Variants in PTOV1 observed in about 807,000 individuals in gnomAD.
The protein encoded by PTOV1 is PTOV1 extended AT-hook containing adaptor protein.
Under a neutral mutation model 58.0 loss-of-function variants are expected in PTOV1, and 20 were observed. The ratio of observed to expected loss-of-function variants is 0.34; its 90% CI spans 0.24 to 0.50. PTOV1 has a LOEUF of 0.50. Among genes scored for constraint, PTOV1 ranks in the 20% least tolerant of loss-of-function variants. The pLI is 0.98. For missense variants in PTOV1, 593 were observed against 565.4 expected (o/e 1.05, Z -0.50); for synonymous variants, 335 against 234.2 (o/e 1.43, Z -3.93).
At chr19:49,857,290 T>A in intron 6 of PTOV1, 160 bp downstream of exon 6, 1 of 1,068,390 alleles carries the variant, frequency 9.4e-7, no homozygotes, top group Non-Finnish European at 1.3e-6. Context: ...CCACCAGGGC[T>A]CCATGGAAAA....
chr19:49,860,280 T>A (rs751129616), exon 12 of PTOV1: 1 of 1,600,422 alleles, frequency 6.2e-7, no homozygotes, highest in African/African-American at 1.4e-5. Flanking sequence ...GGGGGGGTAG[T>A]GGTTACCCCG....
At chr19:49,853,725 CTG>C (rs2074349869) in intron 1 of PTOV1, among the ~76,000 whole-genome samples, 1 of 152,200 alleles carries the variant, frequency 6.6e-6, no homozygotes, top group South Asian at 2.1e-4. Flanking sequence ...ATGTTTTGGT[CTG>C]TGAGACCCCT....
upstream of PTOV1, chr19:49,850,788 G>T: frequency 6.9e-7 from 1 of 1,457,920 alleles, no homozygotes; most frequent in Non-Finnish European, 9.2e-7. Flanking sequence ...CCTTTCAGTG[G>T]GTTCCTTTGT....
chr19:49,851,979 A>C (rs929034416), intron 1 of PTOV1: 2 of 985,002 alleles, frequency 2.0e-6, no homozygotes, highest in African/African-American at 3.5e-5. Context: ...TGGAGTGCGC[A>C]CCTAGAATAC....
At chr19:49,851,153 C>A (rs1273230356), upstream of PTOV1, 2 of 1,298,484 alleles carry the variant, frequency 1.5e-6, no homozygotes, top group Non-Finnish European at 1.9e-6. Context: ...CTCCCCCGCT[C>A]GCCTCAGTGG....
chr19:49,851,077 C>A, upstream of PTOV1: 4 of 1,455,962 alleles, frequency 2.7e-6, no homozygotes, highest in African/African-American at 1.5e-5. Context: ...GCCCGGGCCC[C>A]GCTCCCCCGC....
At chr19:49,857,747 T>G (rs1568647200) in exon 7 of PTOV1, 6 of 1,614,090 alleles carry the variant, frequency 3.7e-6, no homozygotes, top group Non-Finnish European at 5.1e-6. Flanking sequence ...CAACAACAAG[T>G]TTCTGGCATG....
intron 4 of PTOV1, 29 bp downstream of exon 4, chr19:49,854,917 C>T: frequency 3.8e-6 from 6 of 1,571,280 alleles, no homozygotes; most frequent in Non-Finnish European, 4.3e-6. Flanking sequence ...ACCCCATCCA[C>T]TCTGAGCACC....
chr19:49,852,381 C>T (rs566807245), intron 1 of PTOV1: 1 of 152,428 alleles, frequency 6.6e-6, no homozygotes, highest in Non-Finnish European at 1.5e-5. Context: ...ACTGCCTTCG[C>T]CCCTTCCTGC....
intron 5 of PTOV1, 68 bp from the exon 6 acceptor site, chr19:49,856,907 G>C: frequency 6.3e-7 from 1 of 1,585,952 alleles, no homozygotes; most frequent in South Asian, 1.1e-5. Flanking sequence ...AGGTGGGGCG[G>C]TCCAGGGTGG....
At chr19:49,859,923 G>T in intron 10 of PTOV1, 63 bp from the exon 11 acceptor site, 2 of 1,564,726 alleles carry the variant, frequency 1.3e-6, no homozygotes, top group Non-Finnish European at 1.8e-6. Context: ...GCATGATGCC[G>T]TGGTTGGAGG....
chr19:49,852,656 C>G (rs543834758), intron 1 of PTOV1: 13 of 152,202 alleles, frequency 8.5e-5, no homozygotes, highest in Admixed American at 2.6e-4. Flanking sequence ...GTGTTCTTTA[C>G]TATGGCTCCA....
intron 5 of PTOV1, 62 bp downstream of exon 5, chr19:49,855,139 G>T: frequency 6.8e-7 from 1 of 1,466,748 alleles, no homozygotes; most frequent in South Asian, 1.2e-5. Flanking sequence ...GCAGCGCTCT[G>T]CTCACACAGT....
intron 5 of PTOV1, chr19:49,855,326 G>T (rs905509524): frequency 3.7e-6 from 2 of 535,306 alleles, no homozygotes; most frequent in Admixed American, 3.1e-5. Flanking sequence ...CCCTGGGGGC[G>T]TGAGTGCAGG....
intron 6 of PTOV1, 139 bp from the exon 7 acceptor site, chr19:49,857,542 AGGGGCAGGGCCT>A: frequency 1.4e-6 from 1 of 730,730 alleles, no homozygotes; most frequent in South Asian, 1.8e-5. Flanking sequence ...TGAGCAGATG[AGGGGCAGGGCCT>A]GTTCCCCTGG....
At chr19:49,857,236 G>C in intron 6 of PTOV1, 106 bp downstream of exon 6, 1 of 1,462,114 alleles carries the variant, frequency 6.8e-7, no homozygotes. Context: ...GCGATGGCTG[G>C]AGCAAGGAGC....
chr19:49,859,892 G>C, intron 10 of PTOV1, 94 bp from the exon 11 acceptor site: 1 of 1,365,980 alleles, frequency 7.3e-7, no homozygotes, highest in East Asian at 2.3e-5. Context: ...GTTAGGCTGT[G>C]CCTGGCTCAT....
chr19:49,859,834 A>T (rs1019645577), intron 10 of PTOV1, 152 bp from the exon 11 acceptor site: 1 of 793,406 alleles, frequency 1.3e-6, no homozygotes, highest in African/African-American at 1.7e-5. Context: ...TGTCATCCCA[A>T]TAAGGGGGCC....
In PTOV1 at chr19:49,854,892, A is replaced by G; in HGVS notation, c.450+4A>G. The G allele has an allele frequency of 6.2e-7, 1 of 1,604,154 alleles. No individual in the cohort carries two copies. On this transcript the variant is annotated splice_donor_region_variant and intron_variant, in intron 4 of 11. Coordinates refer to ENST00000391842, the Ensembl canonical transcript of PTOV1. ...GCTGATCCCTCAGCAGCTGCTGGTG[A>G]GACCCGCCCCTCCCACCCCATCCAC...
Sources: allele counts gnomAD v4.1 joint callset (sites outside exome capture counted in the v4.1 genomes callset), GRCh38; gene constraint gnomAD v4.1.1; transcripts MANE v1.5; gene names NCBI Gene and HGNC (gene_info 2026-07-23, HGNC 2026-07-21).